Variants in USP34 observed in about 807,000 individuals in gnomAD.
USP34 encodes ubiquitin carboxyl-terminal hydrolase 34.
In USP34, 70 loss-of-function variants were observed where a neutral mutation model predicts 460.3. The ratio of observed to expected loss-of-function variants is 0.15; its 90% CI spans 0.13 to 0.19. The LOEUF (loss-of-function observed/expected upper bound fraction) is 0.19. Ranked by LOEUF, USP34 falls within the 10% of genes least tolerant of loss-of-function variation. The probability of loss-of-function intolerance (pLI) is 1.00; values close to 1 mark genes in which losing one functional copy is unlikely to be tolerated. For missense variants in USP34, 3,985 were observed against 4,236.2 expected (o/e 0.94, Z 1.65); for synonymous variants, 1,647 against 1,405.3 (o/e 1.17, Z -3.85).
At chr2:61,403,197 GAAT>G (rs960219734) in intron 3 of USP34, among the ~76,000 whole-genome samples, 5 of 151,958 alleles carry the variant, frequency 3.3e-5, no homozygotes, top group African/African-American at 9.7e-5. Context: ...AAATACTCAC[GAAT>G]AATAATAACA....
chr2:61,216,104 T>C (rs2103796570), intron 67 of USP34, among the ~76,000 whole-genome samples: 1 of 152,348 alleles, frequency 6.6e-6, no homozygotes, highest in East Asian at 1.9e-4. Context: ...TTAGTTTATT[T>C]TACAAATTTA....
intron 41 of USP34, among the ~76,000 whole-genome samples, chr2:61,275,195 C>G (rs1689335040): frequency 6.6e-6 from 1 of 152,114 alleles, no homozygotes; most frequent in Non-Finnish European, 1.5e-5. Context: ...GGGAGGACTG[C>G]TTGAGCCTGG....
At chr2:61,421,620 T>C (rs1348084086) in intron 1 of USP34, among the ~76,000 whole-genome samples, 2 of 152,224 alleles carry the variant, frequency 1.3e-5, no homozygotes, top group Admixed American at 6.5e-5. Context: ...TCTTTATATA[T>C]TGCTAGTGTC....
intron 34 of USP34, 81 bp from the exon 35 acceptor site, chr2:61,285,038 A>G (rs1406222473): frequency 6.3e-6 from 7 of 1,111,368 alleles, no homozygotes; most frequent in African/African-American, 3.2e-5. Flanking sequence ...TTTAGTTACT[A>G]AAGAGATGTG....
At chr2:61,248,909 A>G (rs893296526) in intron 48 of USP34, among the ~76,000 whole-genome samples, 3 of 152,208 alleles carry the variant, frequency 2.0e-5, no homozygotes, top group African/African-American at 7.2e-5. Flanking sequence ...CAACATACCT[A>G]TGACAAAGCG....
At chr2:61,264,915 A>C (rs777072870) in intron 43 of USP34, among the ~76,000 whole-genome samples, 1 of 152,150 alleles carries the variant, frequency 6.6e-6, no homozygotes, top group Non-Finnish European at 1.5e-5. Context: ...AAAACTAGAA[A>C]GTGAATAAAA....
rs561958476 is a variant in USP34, at chr2:61,319,108, C to T, written c.3168+65G>A. On this transcript the variant is annotated intron_variant, in intron 22 of 79. Transcript: ENST00000398571. ...AAAAAAAAAAAGGCATTACAGAATTCGTATTTCAAGAGATGAAAAAGGGAA... is the reference window on the plus strand; with the variant it reads ...AAAAAAAAAAAGGCATTACAGAATTTGTATTTCAAGAGATGAAAAAGGGAA... 112 of 1,439,988 alleles carry T rather than the reference C, an allele frequency of 7.8e-5. No homozygotes were observed. The African/African-American group carries it at 9.2e-4, about 12-fold the overall frequency. 89.2% of individuals were successfully genotyped at this position (1,439,988 alleles called of 1,614,324 possible).
At chr2:61,197,916 C>G (rs996822296) in intron 75 of USP34, among the ~76,000 whole-genome samples, 2 of 152,158 alleles carry the variant, frequency 1.3e-5, no homozygotes, top group African/African-American at 4.8e-5. Context: ...TGCGCCACCA[C>G]GCCCAGCTAG....
intron 1 of USP34, among the ~76,000 whole-genome samples, chr2:61,421,830 T>G (rs148559022): frequency 1.9e-3 from 285 of 152,188 alleles, no homozygotes; most frequent in Non-Finnish European, 2.8e-3. Flanking sequence ...TTAATCAGAC[T>G]ACATACACAA....
chr2:61,245,189 T>A lies in USP34; in HGVS notation c.6627+21A>T. ...CACTTGGAAGGACACAAACCATTTA[T>A]AATTTCTGAATAAAACTTACCGTCA... On this transcript the variant is annotated intron_variant, in intron 51 of 79. Coordinates refer to ENST00000398571, the MANE Select transcript of USP34 (RefSeq NM_014709.4). The A allele has an allele frequency of 3.8e-6, 6 of 1,593,636 alleles. No individual in the cohort carries two copies. The Admixed American group carries it at 6.7e-5, about 18-fold the overall frequency.
At position 61,445,054 on chromosome 2, in the gene USP34, T is replaced by C. The variant is rs530925853; in HGVS notation, c.44-24221A>G. Among the ~76,000 whole-genome samples the C allele has an allele frequency of 1.3e-4, 19 of 151,106 alleles. No individual in the cohort carries two copies. In the South Asian group the frequency reaches 2.5e-3, roughly 20 times the overall value. ...TGGAATGATTGGTTTGAAGAAGCAA[T>C]AGTAACTGCCAACTTGTAATTCATT... On this transcript the variant is annotated intron_variant, in intron 1 of 79. Transcript: ENST00000398571.
chr2:61,229,457 TAAA>T (rs57231258), intron 59 of USP34, 88 bp downstream of exon 59: 177 of 381,818 alleles, frequency 4.6e-4, no homozygotes, highest in Middle Eastern at 2.1e-3. Context: ...CCCTATCTCT[TAAA>T]AAAAAAAAAA....
intron 1 of USP34, among the ~76,000 whole-genome samples, chr2:61,469,554 T>C (rs1695885740): frequency 6.6e-6 from 1 of 152,222 alleles, no homozygotes; most frequent in African/African-American, 2.4e-5. Context: ...CTTCCACTTT[T>C]ATTATTGTCT....
intron 35 of USP34, among the ~76,000 whole-genome samples, chr2:61,284,479 A>G (rs1056413438): frequency 2.0e-5 from 3 of 152,190 alleles, no homozygotes; most frequent in African/African-American, 7.2e-5. Flanking sequence ...ACTGCTATAA[A>G]GAATACCAAT....
At chr2:61,398,266 C>T (rs1190380974) in intron 3 of USP34, among the ~76,000 whole-genome samples, 1 of 151,994 alleles carries the variant, frequency 6.6e-6, no homozygotes, top group Non-Finnish European at 1.5e-5. Context: ...ACTCAGGAGG[C>T]TGAGGCGGGA....
At chr2:61,335,062 A>G (rs1375546968) in intron 18 of USP34, among the ~76,000 whole-genome samples, 1 of 152,224 alleles carries the variant, frequency 6.6e-6, no homozygotes, top group Non-Finnish European at 1.5e-5. Context: ...ATTAAAACTG[A>G]TAAAATTTGT....
At chr2:61,188,819 A>G in intron 79 of USP34, 91 bp downstream of exon 79, 1 of 1,573,576 alleles carries the variant, frequency 6.4e-7, no homozygotes, top group Non-Finnish European at 8.6e-7. Flanking sequence ...TAGGAGGTTC[A>G]GCTGAACACA....
At chr2:61,240,441 G>A (rs1688219670) in intron 53 of USP34, among the ~76,000 whole-genome samples, 1 of 152,070 alleles carries the variant, frequency 6.6e-6, no homozygotes, top group South Asian at 2.1e-4. Context: ...AACATGCCCA[G>A]CTAATTCTTT....
chr2:61,242,036 T>C (rs994198866), intron 51 of USP34, among the ~76,000 whole-genome samples: 1 of 152,134 alleles, frequency 6.6e-6, no homozygotes, highest in East Asian at 1.9e-4. Context: ...TTATTATTTT[T>C]AGATAGAGAA....
Sources: allele counts gnomAD v4.1 joint callset (sites outside exome capture counted in the v4.1 genomes callset), GRCh38; gene constraint gnomAD v4.1.1; transcripts MANE v1.5; gene names NCBI Gene and HGNC (gene_info 2026-07-23, HGNC 2026-07-21).